The following TSPAN16 variants were observed in gnomAD, a reference collection of about 807,000 sequenced individuals.
TSPAN16 encodes tetraspanin-16.
Under a neutral mutation model 25.2 loss-of-function variants are expected in TSPAN16, and 23 were observed. The ratio of observed to expected loss-of-function variants is 0.91; its 90% confidence interval spans 0.66 to 1.29. The LOEUF (loss-of-function observed/expected upper bound fraction) is 1.29. Among genes scored for constraint, TSPAN16 ranks in the 50% most tolerant of loss-of-function variants. The pLI, the probability that TSPAN16 is intolerant of heterozygous loss-of-function variation, is 0.00. For synonymous variants in TSPAN16, 123 were observed against 124.4 expected, an observed-to-expected ratio of 0.99 and a Z score of 0.08; for missense variants, 272 against 299.9, an observed-to-expected ratio of 0.91 and a Z score of 0.69.
chr19:11,318,348 G>A (rs1568296444), downstream of TSPAN16, among the ~76,000 whole-genome samples: 1 of 151,886 alleles, frequency 6.6e-6, no homozygotes, highest in East Asian at 1.9e-4. Context: ...TTTTAGTAGA[G>A]ACGGGGTTTC....
chr19:11,313,686 T>A (rs2080717407), intron 6 of TSPAN16, among the ~76,000 whole-genome samples: 1 of 152,120 alleles, frequency 6.6e-6, no homozygotes, highest in Non-Finnish European at 1.5e-5. Context: ...GAAATGCCAA[T>A]AAAAACACTT....
At chr19:11,300,355 A>G (rs1011818422) in intron 3 of TSPAN16, among the ~76,000 whole-genome samples, 1 of 152,160 alleles carries the variant, frequency 6.6e-6, no homozygotes, top group Non-Finnish European at 1.5e-5. Context: ...TCAAGTGGAG[A>G]GGGAGCTGGG....
intron 6 of TSPAN16, among the ~76,000 whole-genome samples, chr19:11,314,730 T>C (rs2080727376): frequency 6.6e-6 from 1 of 151,942 alleles, no homozygotes. Context: ...TTATTTCTCC[T>C]AGGCCTGAAG....
chr19:11,304,131 AG>A (rs2147943078), intron 4 of TSPAN16, among the ~76,000 whole-genome samples: 1 of 151,650 alleles, frequency 6.6e-6, no homozygotes, highest in Non-Finnish European at 1.5e-5. Context: ...TGAGGTGGTG[AG>A]ACTCCCATCT....
chr19:11,314,928 C>T (rs1158851849), intron 6 of TSPAN16, among the ~76,000 whole-genome samples: 2 of 151,954 alleles, frequency 1.3e-5, no homozygotes, highest in East Asian at 1.9e-4. Flanking sequence ...CGTAGGGCTC[C>T]GGGGAGGGCC....
At chr19:11,312,105 C>G (rs750395687) in intron 5 of TSPAN16, 34 bp from the exon 6 acceptor site, 1 of 1,569,172 alleles carries the variant, frequency 6.4e-7, no homozygotes, top group Non-Finnish European at 8.7e-7. Context: ...AGCCCCTAAC[C>G]ACCTCCTGCT....
At chr19:11,312,836 C>A (rs2080707810) in intron 6 of TSPAN16, among the ~76,000 whole-genome samples, 1 of 151,992 alleles carries the variant, frequency 6.6e-6, no homozygotes, top group African/African-American at 2.4e-5. Flanking sequence ...AAATTAGTAA[C>A]ATTAGGAATG....
At position 11,298,276 on chromosome 19, in the gene TSPAN16, G is replaced by A. The variant is rs756285339; in HGVS notation, c.204G>A (p.Thr68=). ...GNLCLVMGCI[T]VLLGCAGWYG... is the part of the protein sequence containing the mutation. Reference sequence around the variant, plus strand: ...TGTGCCTGGTGATGGGATGCATCACGGTACTGCTTGGCTGTGCCGGGTGGT... The same window carrying A: ...TGTGCCTGGTGATGGGATGCATCACAGTACTGCTTGGCTGTGCCGGGTGGT... Residue 68 remains threonine, a synonymous_variant, in exon 2 of 7, where the codon ACG becomes ACA. Transcript: ENST00000590327. 98 of 1,614,010 alleles carry A rather than the reference G, an allele frequency of 6.1e-5. No individual in the cohort carries two copies. Among genetic ancestry groups the A allele is most frequent in the Middle Eastern group, 4.9e-4 (3 of 6,080 alleles).
intron 6 of TSPAN16, chr19:11,325,338 G>T: frequency 8.7e-7 from 1 of 1,154,598 alleles, no homozygotes; most frequent in Non-Finnish European, 1.2e-6. Context: ...TGTGGCTCAC[G>T]CCTCGATCAC....
At chr19:11,318,931 G>A (rs754477571), downstream of TSPAN16, among the ~76,000 whole-genome samples, 9 of 152,302 alleles carry the variant, frequency 5.9e-5, no homozygotes, top group East Asian at 1.9e-4. Flanking sequence ...ACAGGCGTAA[G>A]CCACTGCCCC....
At chr19:11,314,238 A>G (rs79284977) in intron 6 of TSPAN16, among the ~76,000 whole-genome samples, 2 of 152,204 alleles carry the variant, frequency 1.3e-5, no homozygotes, top group African/African-American at 4.8e-5. Context: ...TCTGTGGTTC[A>G]TGATGAAAAT....
Position 11,298,318 on chromosome 19 carries a change from G to A in TSPAN16, c.246G>A (p.Glu82=), listed in dbSNP as rs2080502966. 1 of 1,614,070 alleles carries A rather than the reference G, an allele frequency of 6.2e-7. No individual in the cohort carries two copies. The highest frequency in any genetic ancestry group is 8.5e-7 in the Non-Finnish European group (1 of 1,180,032). ...GCAGWYGATK[E]SRGTLLFCIL... ...CCGGGTGGTATGGAGCGACTAAAGA[G>A]AGCAGAGGCACGCTCTTGTTTGTAA... Residue 82 remains glutamate (E), a synonymous_variant, in exon 2 of 7, where the codon GAG becomes GAA. Transcript: ENST00000590327.
intron 4 of TSPAN16, among the ~76,000 whole-genome samples, chr19:11,301,616 G>A (rs1325724515): frequency 6.6e-6 from 1 of 150,954 alleles, no homozygotes; most frequent in African/African-American, 2.4e-5. Flanking sequence ...TCCCAGCCTG[G>A]GCGACAGAGG....
downstream of TSPAN16, among the ~76,000 whole-genome samples, chr19:11,318,237 G>T (rs1259650321): frequency 6.6e-6 from 1 of 152,106 alleles, no homozygotes; most frequent in African/African-American, 2.4e-5. Context: ...GTGTTAGCCA[G>T]GATGGTCTCG....
Position 11,312,275 on chromosome 19 carries a change from T to C in TSPAN16, c.687+53T>C. The stretch of plus-strand genomic sequence containing the variant: ...GAGCTGTTTTATTAAGCACCTACTG[T>C]ATGCCAAACACTGTTCTGGTCACTG... On this transcript the variant is annotated intron_variant, in intron 6 of 6. Coordinates refer to ENST00000590327, the MANE Select transcript of TSPAN16 (RefSeq NM_001282509.2). 3.2e-6 allele frequency: 4 copies of C among 1,253,018 alleles called. No homozygotes were observed. The South Asian group carries it at 5.2e-5, about 16-fold the overall frequency. The allele number at this position is 1,253,018 out of a possible 1,614,324, so 77.6% of individuals were successfully genotyped here.
downstream of TSPAN16, among the ~76,000 whole-genome samples, chr19:11,319,233 G>A (rs1466007347): frequency 1.3e-5 from 2 of 152,172 alleles, no homozygotes; most frequent in Non-Finnish European, 2.9e-5. Context: ...TCCCTTTCAG[G>A]TTTGATAATT....
chr19:11,322,967 A>C (rs445169), intron 6 of TSPAN16: 28,229 of 151,888 alleles, frequency 0.19, 5,514 homozygotes, highest in African/African-American at 0.5. Context: ...CAAAACTTAG[A>C]TGGGCGTGGT....
intron 6 of TSPAN16, among the ~76,000 whole-genome samples, chr19:11,312,549 G>A (rs1295126535): frequency 6.6e-6 from 1 of 151,858 alleles, no homozygotes; most frequent in Admixed American, 6.6e-5. Flanking sequence ...CTTGAGCCCA[G>A]GAGTTCAAAA....
chr19:11,316,838 C>A (rs917640704), downstream of TSPAN16, among the ~76,000 whole-genome samples: 16 of 132,090 alleles, frequency 1.2e-4, no homozygotes, highest in African/African-American at 4.2e-4. Flanking sequence ...AAGATGGAGT[C>A]TTGTTCTGTC....
Sources: allele counts gnomAD v4.1 joint callset (sites outside exome capture counted in the v4.1 genomes callset), GRCh38; gene constraint gnomAD v4.1.1; transcripts MANE v1.5; gene names NCBI Gene and HGNC (gene_info 2026-07-23, HGNC 2026-07-21).